The following RASAL2 variants were observed in gnomAD, a reference collection of about 807,000 sequenced individuals.
RASAL2 encodes ras GTPase-activating protein nGAP.
A neutral mutation model predicts 128.9 loss-of-function variants in RASAL2; 58 were observed. The observed-to-expected ratio is 0.45, with a 90% CI of 0.36 to 0.56. RASAL2 has a LOEUF of 0.56. Among genes scored for constraint, RASAL2 ranks in the 20% least tolerant of loss-of-function variants. RASAL2 has a pLI of 0.00. For missense variants in RASAL2, 1,360 were observed against 1,601.6 expected (o/e 0.85, Z 2.57); for synonymous variants, 561 against 580.8 (o/e 0.97, Z 0.49).
chr1:178,124,274 C>T (rs1659813827), intron 1 of RASAL2, among the ~76,000 whole-genome samples: 1 of 152,110 alleles, frequency 6.6e-6, no homozygotes, highest in South Asian at 2.1e-4. Context: ...GAATTTTGCC[C>T]TCCAGGGGAC....
intron 1 of RASAL2, among the ~76,000 whole-genome samples, chr1:178,168,294 A>G (rs1431170171): frequency 6.6e-6 from 1 of 151,736 alleles, no homozygotes; most frequent in African/African-American, 2.4e-5. Context: ...AAAACTGTAG[A>G]CCAGAAAATA....
At chr1:178,369,074 G>A (rs771311642) in intron 3 of RASAL2, among the ~76,000 whole-genome samples, 1 of 152,104 alleles carries the variant, frequency 6.6e-6, no homozygotes, top group South Asian at 2.1e-4. Flanking sequence ...GCTTTGTTCG[G>A]ATTATAAAAA....
chr1:178,205,382 G>C (rs911924980), intron 1 of RASAL2, among the ~76,000 whole-genome samples: 12 of 152,112 alleles, frequency 7.9e-5, no homozygotes, highest in Non-Finnish European at 1.8e-4. Context: ...TTTTTATAAA[G>C]TGACTTTTTC....
chr1:178,353,360 G>A (rs552472323), intron 3 of RASAL2, among the ~76,000 whole-genome samples: 3 of 152,166 alleles, frequency 2.0e-5, no homozygotes, highest in African/African-American at 4.8e-5. Context: ...TCAAAATTCC[G>A]TAGATCCCTA....
intron 1 of RASAL2, among the ~76,000 whole-genome samples, chr1:178,124,823 A>G (rs967416151): frequency 2.6e-5 from 4 of 152,110 alleles, no homozygotes; most frequent in Non-Finnish European, 4.4e-5. Flanking sequence ...GTATCAGTTG[A>G]TTTGGTTTTT....
At position 178,160,565 on chromosome 1, in the gene RASAL2, G is replaced by A. The variant is rs552126097; in HGVS notation, c.202+65871G>A. Among the ~76,000 whole-genome samples the A allele has an allele frequency of 2.4e-3, 369 of 152,300 alleles. 1 individual carries two copies. Among genetic ancestry groups the A allele is most frequent in the African/African-American group, 8.6e-3 (358 of 41,566 alleles). On this transcript the variant is annotated intron_variant, in intron 1 of 17. Coordinates refer to ENST00000367649, the MANE Select transcript of RASAL2 (RefSeq NM_170692.4). ...CAGGAGAATCGCTTGAACCTGGGAG[G>A]CGGAGGTTGCAGTGAGCCGAGATCG...
At chr1:178,170,861 T>C (rs780632158) in intron 1 of RASAL2, among the ~76,000 whole-genome samples, 10 of 151,872 alleles carry the variant, frequency 6.6e-5, no homozygotes, top group African/African-American at 2.4e-4. Flanking sequence ...TTCTTTTTGT[T>C]TTTTAGTTTT....
intron 3 of RASAL2, among the ~76,000 whole-genome samples, chr1:178,332,010 A>C (rs946884650): frequency 6.6e-6 from 1 of 152,190 alleles, no homozygotes; most frequent in South Asian, 2.1e-4. Context: ...GCATTATTCA[A>C]TTGATTATAT....
In RASAL2 at chr1:178,312,979, A is replaced by G. The variant is rs538878525; in HGVS notation, c.457+12861A>G. Among the ~76,000 whole-genome samples the G allele has an allele frequency of 1.1e-3, 169 of 152,288 alleles. 1 individual carries two copies. The highest frequency in any genetic ancestry group is 1.8e-3 in the Non-Finnish European group (121 of 68,022). ...CAATGAATATTTTATGGATAAGGAA[A>G]CTGAGGCATAGAGAGGTGAAGTAAC... On this transcript the variant is annotated intron_variant, in intron 3 of 17. Transcript: ENST00000367649.
At chr1:178,351,789 A>G (rs1436326355) in intron 3 of RASAL2, among the ~76,000 whole-genome samples, 1 of 152,012 alleles carries the variant, frequency 6.6e-6, no homozygotes, top group East Asian at 1.9e-4. Flanking sequence ...CAAAAGGGAG[A>G]AATTGGCCAA....
intron 5 of RASAL2, among the ~76,000 whole-genome samples, chr1:178,422,565 A>G (rs532254753): frequency 6.6e-6 from 1 of 152,150 alleles, no homozygotes; most frequent in African/African-American, 2.4e-5. Context: ...TTTAAAAAAG[A>G]CTCTCTTGCC....
intron 14 of RASAL2, among the ~76,000 whole-genome samples, chr1:178,460,926 G>T (rs964625207): frequency 1.3e-5 from 2 of 152,092 alleles, no homozygotes; most frequent in Non-Finnish European, 2.9e-5. Flanking sequence ...CAGTTCTCCT[G>T]TCTCAGCCTC....
intron 5 of RASAL2, among the ~76,000 whole-genome samples, chr1:178,439,194 G>A (rs1260052417): frequency 2.0e-5 from 3 of 151,906 alleles, no homozygotes; most frequent in Non-Finnish European, 2.9e-5. Context: ...ATATTTTTAT[G>A]CCATATTGAA....
At chr1:178,335,259 AT>A (rs1431148737) in intron 3 of RASAL2, among the ~76,000 whole-genome samples, 3 of 152,144 alleles carry the variant, frequency 2.0e-5, no homozygotes, top group East Asian at 3.9e-4. Context: ...CAGAAAAAAA[AT>A]ATAGCATATC....
intron 1 of RASAL2, among the ~76,000 whole-genome samples, chr1:178,100,975 G>T (rs1486950079): frequency 1.3e-5 from 2 of 152,166 alleles, no homozygotes; most frequent in Admixed American, 6.5e-5. Flanking sequence ...ACCCTATCTT[G>T]GTAGAGGGAT....
At chr1:178,445,128 G>A (rs1285790863) in intron 8 of RASAL2, among the ~76,000 whole-genome samples, 1 of 146,600 alleles carries the variant, frequency 6.8e-6, no homozygotes, top group Non-Finnish European at 1.5e-5. Flanking sequence ...GAGCAGAACT[G>A]AGAACAGTAT....
chr1:178,459,917 A>T (rs1022620255), intron 14 of RASAL2, among the ~76,000 whole-genome samples: 2 of 152,216 alleles, frequency 1.3e-5, no homozygotes, highest in African/African-American at 4.8e-5. Context: ...TATGTATCAT[A>T]TGTATTTTTT....
In RASAL2 at chr1:178,452,543, A is replaced by G. The variant is rs141944105; in HGVS notation, c.1900A>G (p.Ile634Val). 11 of 1,613,908 alleles carry G rather than the reference A, an allele frequency of 6.8e-6. No homozygotes were observed. Among genetic ancestry groups the G allele is most frequent in the Non-Finnish European group, 9.3e-6 (11 of 1,179,946 alleles). The change falls in exon 11 of 18, where the codon ATT (isoleucine) becomes GTT (valine). Residue 634 changes from isoleucine to valine, a missense_variant. Transcript: ENST00000367649. ...SLFLRFLCPA[I>V]MSPSLFNLMQ... ...ATTTCTCCGTTTTCTGTGTCCAGCC[A>G]TTATGTCTCCCAGTCTTTTCAACCT...
chr1:178,166,729 G>A lies in RASAL2; in HGVS notation c.202+72035G>A, dbSNP rs755399572. Among the ~76,000 whole-genome samples the A allele has an allele frequency of 6.3e-4, 96 of 152,078 alleles. 1 individual carries two copies. Among genetic ancestry groups the A allele is most frequent in the Non-Finnish European group, 6.0e-4 (41 of 67,996 alleles). ...AGACTTGGAAATATTCAAATATGAA[G>A]ACTATACATTAGGAGTATTTTTTCG... On this transcript the variant is annotated intron_variant, in intron 1 of 17. Transcript: ENST00000367649.
Sources: gnomAD v4.1 joint callset for allele counts (sites outside exome capture counted in the v4.1 genomes callset) on GRCh38, gnomAD v4.1.1 for gene constraint, MANE v1.5 for transcripts, NCBI Gene and HGNC (gene_info 2026-07-23, HGNC 2026-07-21) for gene names.